Variants in KIAA1217 observed in about 807,000 individuals in gnomAD.
The protein encoded by KIAA1217 is sickle tail protein homolog.
KIAA1217 carries 88 observed loss-of-function variants against 163.9 expected under a neutral mutation model. The observed-to-expected ratio is 0.54, with a 90% CI of 0.45 to 0.64. The LOEUF is 0.64. Ranked by LOEUF, KIAA1217 falls within the 30% of genes least tolerant of loss-of-function variation. The pLI is 0.00. For synonymous variants in KIAA1217, 903 were observed against 923.1 expected (o/e 0.98, Z 0.39); for missense variants, 2,372 against 2,475.0 (o/e 0.96, Z 0.88).
intron 1 of KIAA1217, among the ~76,000 whole-genome samples, chr10:23,767,685 G>A (rs1834603947): frequency 6.6e-6 from 1 of 152,182 alleles, no homozygotes; most frequent in African/African-American, 2.4e-5. Context: ...CTCAGGTTGG[G>A]CTGTGGGGAG....
intron 2 of KIAA1217, among the ~76,000 whole-genome samples, chr10:24,038,266 G>GA (rs1321479447): frequency 6.6e-6 from 1 of 152,152 alleles, no homozygotes; most frequent in Non-Finnish European, 1.5e-5. Context: ...GAGTGGAGAG[G>GA]AAAAATAATA....
At chr10:23,903,224 C>A (rs1186723648) in intron 1 of KIAA1217, among the ~76,000 whole-genome samples, 2 of 152,064 alleles carry the variant, frequency 1.3e-5, no homozygotes, top group Non-Finnish European at 2.9e-5. Context: ...TTCTTTAAAA[C>A]TTACCCATGG....
chr10:23,851,699 G>A (rs924738349), intron 1 of KIAA1217, among the ~76,000 whole-genome samples: 21 of 152,120 alleles, frequency 1.4e-4, no homozygotes, highest in South Asian at 4.1e-4. Context: ...TTTAATGATT[G>A]CCATTCTAAC....
chr10:24,281,845 G>C (rs769687596), intron 2 of KIAA1217, among the ~76,000 whole-genome samples: 1 of 152,034 alleles, frequency 6.6e-6, no homozygotes, highest in Non-Finnish European at 1.5e-5. Flanking sequence ...CAGATCATGA[G>C]GTCAGATCGA....
intron 5 of KIAA1217, among the ~76,000 whole-genome samples, chr10:24,465,400 G>A (rs149830255): frequency 2.5e-4 from 38 of 152,328 alleles, no homozygotes; most frequent in Admixed American, 1.1e-3. Context: ...GCCTGCAAAG[G>A]ACTGGATTTG....
At chr10:23,797,942 A>C (rs1836285658) in intron 1 of KIAA1217, among the ~76,000 whole-genome samples, 1 of 152,222 alleles carries the variant, frequency 6.6e-6, no homozygotes, top group Admixed American at 6.5e-5. Context: ...TTAAACTTGG[A>C]GGAACAATAG....
intron 1 of KIAA1217, among the ~76,000 whole-genome samples, chr10:23,888,884 G>A (rs939591429): frequency 6.6e-6 from 1 of 151,780 alleles, no homozygotes; most frequent in Non-Finnish European, 1.5e-5. Context: ...CAACCGATCT[G>A]ACATTTAGCA....
At chr10:24,294,607 C>T (rs1349680132) in intron 2 of KIAA1217, among the ~76,000 whole-genome samples, 1 of 152,200 alleles carries the variant, frequency 6.6e-6, no homozygotes, top group African/African-American at 2.4e-5. Flanking sequence ...GATCTGTTTC[C>T]TTAACAGAAC....
In KIAA1217 at chr10:24,211,541, TATTGTATTGTATTGTATTGTATTG is replaced by T. The variant is rs1564836014; in HGVS notation, c.70+2279_70+2302del. On this transcript the variant is annotated intron_variant, in intron 1 of 20. Transcript: ENST00000376454. ...CATGCCACCATGCATGGTTGTATTG[TATTGTATTGTATTGTATTGTATTG>T]TATTGTATTGTATTGTATTGTATTG... is the stretch of plus-strand genomic sequence containing the variant. Among the ~76,000 whole-genome samples, 126 of 97,292 alleles carry T rather than the reference TATTGTATTGTATTGTATTGTATTG, an allele frequency of 1.3e-3. 2 individuals are homozygous for T. The highest frequency in any genetic ancestry group is 3.7e-3 in the East Asian group (13 of 3,488). 63.8% of individuals were successfully genotyped at this position (97,292 alleles called of 152,430 possible). A position where few individuals can be genotyped will look rare whatever the true frequency, so the allele number is the denominator to read the frequency against.
At chr10:24,531,026 C>T in intron 14 of KIAA1217, among the ~76,000 whole-genome samples, 1 of 131,600 alleles carries the variant, frequency 7.6e-6, no homozygotes. Context: ...AGAAACCCCG[C>T]CTGTAAAAAA....
chr10:24,402,253 T>A (rs1398891891), intron 3 of KIAA1217, among the ~76,000 whole-genome samples: 1 of 152,120 alleles, frequency 6.6e-6, no homozygotes, highest in Non-Finnish European at 1.5e-5. Context: ...ACGCCTGTAA[T>A]CCCAGCACTT....
chr10:24,276,805 T>C (rs2077347504), intron 2 of KIAA1217, among the ~76,000 whole-genome samples: 1 of 152,028 alleles, frequency 6.6e-6, no homozygotes, highest in African/African-American at 2.4e-5. Flanking sequence ...AGACAGGGTT[T>C]CACCATATTG....
chr10:24,000,739 G>C lies in KIAA1217; in HGVS notation c.-320-6486G>C, dbSNP rs570766935. 2.6e-5 allele frequency among the ~76,000 whole-genome samples: 4 copies of C among 152,334 alleles called. No individual in the cohort carries two copies. In the East Asian group the frequency reaches 7.7e-4, roughly 29 times the overall value. ...AGATTGATGAGCATGAGAAAACACT[G>C]TCAGATTTATTCAAGTACACAGCTT... On this transcript the variant is annotated intron_variant, in intron 1 of 18. Transcript: ENST00000376462.
At chr10:23,873,904 A>G (rs1416990869) in intron 1 of KIAA1217, among the ~76,000 whole-genome samples, 3 of 152,048 alleles carry the variant, frequency 2.0e-5, no homozygotes, top group African/African-American at 4.8e-5. Flanking sequence ...TGGATTCTTC[A>G]TTGTTTCATC....
At chr10:24,262,159 C>T (rs978051955) in intron 2 of KIAA1217, among the ~76,000 whole-genome samples, 9 of 152,262 alleles carry the variant, frequency 5.9e-5, no homozygotes, top group African/African-American at 9.6e-5. Flanking sequence ...TGGAAGGCTA[C>T]GACGGGTTGC....
At chr10:24,378,947 T>C (rs1322363896) in intron 2 of KIAA1217, among the ~76,000 whole-genome samples, 1 of 152,164 alleles carries the variant, frequency 6.6e-6, no homozygotes, top group African/African-American at 2.4e-5. Flanking sequence ...GAAACAGAGA[T>C]TTGATTTTGA....
intron 8 of KIAA1217, among the ~76,000 whole-genome samples, chr10:24,497,641 G>A (rs1039026402): frequency 4.6e-5 from 7 of 151,546 alleles, no homozygotes; most frequent in Admixed American, 3.3e-4. Flanking sequence ...GACTGCTTGA[G>A]CCCGAGAGGT....
chr10:24,400,571 G>A (rs2056406717), intron 3 of KIAA1217, among the ~76,000 whole-genome samples: 1 of 152,138 alleles, frequency 6.6e-6, no homozygotes, highest in Non-Finnish European at 1.5e-5. Context: ...TACCTCCAAA[G>A]GGGACAAGGA....
At chr10:24,285,936 A>G (rs1335006340) in intron 2 of KIAA1217, among the ~76,000 whole-genome samples, 1 of 152,010 alleles carries the variant, frequency 6.6e-6, no homozygotes, top group African/African-American at 2.4e-5. Context: ...ATATATTAAT[A>G]TTTCTGGGTA....
Sources: gnomAD v4.1 joint callset for allele counts (sites outside exome capture counted in the v4.1 genomes callset) on GRCh38, gnomAD v4.1.1 for gene constraint, MANE v1.5 for transcripts, NCBI Gene and HGNC (gene_info 2026-07-23, HGNC 2026-07-21) for gene names.